The following AMZ1 variants were observed in gnomAD, a reference collection of about 807,000 sequenced individuals.
AMZ1 encodes archaelysin family metallopeptidase 1, also known as archaemetzincin-1.
Under a neutral mutation model 29.9 loss-of-function variants are expected in AMZ1, and 39 were observed. The observed-to-expected ratio is 1.30, with a 90% confidence interval of 1.01 to 1.70. The LOEUF (loss-of-function observed/expected upper bound fraction) is 1.70. Among genes scored for constraint, AMZ1 ranks in the 40% most tolerant of loss-of-function variants. The pLI is 0.00. For missense variants in AMZ1, 1,041 were observed against 680.6 expected (o/e 1.53, Z -5.89); for synonymous variants, 458 against 304.0 (o/e 1.51, Z -5.27).
chr7:2,697,486 C>T (rs561903285), intron 1 of AMZ1, among the ~76,000 whole-genome samples: 21 of 151,976 alleles, frequency 1.4e-4, no homozygotes, highest in African/African-American at 3.6e-4. Context: ...TGCAGTGGCA[C>T]GATCATGGCT....
At chr7:2,704,499 C>T (rs559035916) in intron 3 of AMZ1, among the ~76,000 whole-genome samples, 2 of 151,894 alleles carry the variant, frequency 1.3e-5, no homozygotes, top group Non-Finnish European at 2.9e-5. Flanking sequence ...AAAATCACAA[C>T]CCCCATATAT....
rs182032903 is a variant in AMZ1 at position 2,726,804 on chromosome 7, C to T, written n.550+16988C>T. Among the ~76,000 whole-genome samples the T allele has an allele frequency of 3.0e-3, 451 of 152,322 alleles. 1 individual carries two copies. Among genetic ancestry groups the T allele is most frequent in the Non-Finnish European group, 2.7e-3 (185 of 68,022 alleles). Reference sequence around the variant, plus strand: ...CCTGAGCATGAGAGCTCTGGTCACACCACGCCGAGGACCGGACGGTGCCCT... The same window carrying T: ...CCTGAGCATGAGAGCTCTGGTCACATCACGCCGAGGACCGGACGGTGCCCT... On this transcript the variant is annotated intron_variant and non_coding_transcript_variant, in intron 4 of 4. Transcript: ENST00000489665.
At chr7:2,709,496 G>A (rs1439655222) in intron 5 of AMZ1, 144 bp from the exon 6 acceptor site, 2 of 1,309,848 alleles carry the variant, frequency 1.5e-6, no homozygotes, top group African/African-American at 1.5e-5. Context: ...TGTGCCGCCT[G>A]GGGCAGGGGG....
chr7:2,691,131 C>CAAAAA (rs35603123), intron 1 of AMZ1, among the ~76,000 whole-genome samples: 21 of 68,710 alleles, frequency 3.1e-4, no homozygotes, highest in African/African-American at 1.1e-3. Flanking sequence ...GTGACAGAGG[C>CAAAAA]AAAAAAAAAA....
downstream of AMZ1, among the ~76,000 whole-genome samples, chr7:2,720,339 T>G (rs1275127690): frequency 6.6e-6 from 1 of 152,192 alleles, no homozygotes; most frequent in East Asian, 1.9e-4. Context: ...GGGTGAACAC[T>G]TTTTATGCGC....
At chr7:2,732,670 G>C (rs918022183) in intron 4 of AMZ1, among the ~76,000 whole-genome samples, 3 of 152,192 alleles carry the variant, frequency 2.0e-5, no homozygotes, top group African/African-American at 7.2e-5. Flanking sequence ...TCGATCTAGA[G>C]GTCTGACTAC....
intron 4 of AMZ1, among the ~76,000 whole-genome samples, chr7:2,736,400 C>T (rs949642065): frequency 1.3e-5 from 2 of 151,860 alleles, no homozygotes; most frequent in African/African-American, 2.4e-5. Context: ...TTTCATTAGG[C>T]TGGGGCCAGC....
intron 3 of AMZ1, among the ~76,000 whole-genome samples, chr7:2,704,168 C>T (rs798463): frequency 0.023 from 3,573 of 152,112 alleles, 142 homozygotes; most frequent in African/African-American, 0.082. Context: ...GGATTATAGG[C>T]GTGAGCCACT....
rs768364766 is a variant in AMZ1 at position 2,712,309 on chromosome 7, G to A, written c.949-21G>A. The A allele has an allele frequency of 1.3e-5, 20 of 1,536,460 alleles. No homozygotes were observed. The Admixed American group carries it at 3.8e-4, about 29-fold the overall frequency. The stretch of plus-strand genomic sequence containing the variant: ...CAAGGGCTGGCACGGAGCAAACTCA[G>A]CCTGTGTTTCTCCCTCTTAGAGACT... On this transcript the variant is annotated intron_variant, in intron 6 of 6. Transcript: ENST00000683327.
At chr7:2,696,755 G>A (rs1446516292) in intron 1 of AMZ1, among the ~76,000 whole-genome samples, 2 of 151,948 alleles carry the variant, frequency 1.3e-5, no homozygotes, top group East Asian at 3.9e-4. Flanking sequence ...GCATGGTGGT[G>A]GGTGCCTGTA....
chr7:2,754,255 C>T (rs1372590967), intron 4 of AMZ1, among the ~76,000 whole-genome samples: 3 of 152,164 alleles, frequency 2.0e-5, no homozygotes, highest in Non-Finnish European at 4.4e-5. Context: ...GATGTCTTCT[C>T]GTGCTTATGT....
At chr7:2,728,056 C>T (rs1583197603) in intron 4 of AMZ1, 1 of 151,092 alleles carries the variant, frequency 6.6e-6, no homozygotes, top group South Asian at 2.1e-4. Context: ...TGCTGTGAAT[C>T]CTGGGGAATG....
Position 2,713,346 on chromosome 7 carries a change from G to A in AMZ1, c.*468G>A, listed in dbSNP as rs568435723. 2 of 153,066 alleles carry A rather than the reference G, an allele frequency of 1.3e-5. No individual in the cohort carries two copies. Among genetic ancestry groups the A allele is most frequent in the South Asian group, 4.1e-4 (2 of 4,840 alleles). 9.5% of individuals were successfully genotyped at this position (153,066 alleles called of 1,614,324 possible). A position where few individuals can be genotyped will look rare whatever the true frequency, so the allele number is the denominator to read the frequency against. On this transcript the variant is annotated 3_prime_UTR_variant, in exon 7 of 7. Transcript: ENST00000683327. The stretch of plus-strand genomic sequence containing the variant: ...GCTCCCAGGGGCCTGCACACATGGA[G>A]AGGCCTCCCTGATCCTGGGTGCTTC...
At chr7:2,702,623 T>C in intron 2 of AMZ1, 99 bp from the exon 3 acceptor site, 1 of 1,380,682 alleles carries the variant, frequency 7.2e-7, no homozygotes, top group Non-Finnish European at 9.6e-7. Flanking sequence ...CACATTGGCC[T>C]TGTTCACCCA....
At position 2,709,694 on chromosome 7, in the gene AMZ1, C is replaced by T. The variant is rs372223733; in HGVS notation, c.826C>T (p.Arg276Cys). The T allele has an allele frequency of 8.9e-5, 143 of 1,610,962 alleles. No individual in the cohort carries two copies. Among genetic ancestry groups the T allele is most frequent in the Admixed American group, 3.3e-4 (20 of 59,994 alleles). Residue 276 changes from arginine to cysteine, a missense_variant, in exon 6 of 7, where the codon CGC becomes TGC. Transcript: ENST00000683327. ...LLGLGNCRWL[R>C]CLMQGALSLD... is the part of the protein sequence containing the mutation. ...GGGCCTGGGGAACTGCCGCTGGCTC[C>T]GCTGCCTCATGCAGGGTGCGCTCAG...
upstream of AMZ1, among the ~76,000 whole-genome samples, chr7:2,685,138 G>A (rs1482714654): frequency 6.6e-6 from 1 of 151,684 alleles, no homozygotes; most frequent in Non-Finnish European, 1.5e-5. Context: ...CAAAGTGCTG[G>A]GATTACAGGT....
chr7:2,682,967 C>A (rs1262378291), intron 1 of AMZ1, among the ~76,000 whole-genome samples: 1 of 152,240 alleles, frequency 6.6e-6, no homozygotes, highest in East Asian at 1.9e-4. Flanking sequence ...TCTGTCCCCA[C>A]AGCACTGTCT....
At chr7:2,692,501 C>T (rs1368261752) in intron 1 of AMZ1, among the ~76,000 whole-genome samples, 2 of 152,202 alleles carry the variant, frequency 1.3e-5, no homozygotes, top group African/African-American at 4.8e-5. Flanking sequence ...GAGATTGTGC[C>T]ACTGCACTCC....
At chr7:2,709,007 G>C (rs1404169653) in intron 4 of AMZ1, 68 bp from the exon 5 acceptor site, 11 of 1,494,546 alleles carry the variant, frequency 7.4e-6, no homozygotes, top group Non-Finnish European at 8.9e-6. Flanking sequence ...CATGAGGTGG[G>C]TTTGACGGTG....
Sources: allele counts gnomAD v4.1 joint callset (sites outside exome capture counted in the v4.1 genomes callset), GRCh38; gene constraint gnomAD v4.1.1; transcripts MANE v1.5; gene names NCBI Gene and HGNC (gene_info 2026-07-23, HGNC 2026-07-21).